ANKRD44: variants seen among roughly 807,000 people sequenced by gnomAD.
ANKRD44 encodes serine/threonine-protein phosphatase 6 regulatory ankyrin repeat subunit B.
A neutral mutation model predicts 116.0 loss-of-function variants in ANKRD44; 35 were observed. That is an observed-to-expected ratio of 0.30 (90% confidence interval 0.23 to 0.40). The LOEUF (loss-of-function observed/expected upper bound fraction) is 0.40. Among genes scored for constraint, ANKRD44 ranks in the 10% least tolerant of loss-of-function variants. The pLI, the probability that ANKRD44 is intolerant of heterozygous loss-of-function variation, is 1.00. For missense variants in ANKRD44, 1,014 were observed against 1,242.6 expected (o/e 0.82, Z 2.77); for synonymous variants, 435 against 461.8 (o/e 0.94, Z 0.74).
chr2:197,032,186 C>G (rs1289600076), intron 16 of ANKRD44, among the ~76,000 whole-genome samples: 1 of 152,056 alleles, frequency 6.6e-6, no homozygotes, highest in Non-Finnish European at 1.5e-5. Flanking sequence ...TGATCATGAT[C>G]AGATTCTTGA....
At chr2:197,256,240 G>T (rs2082443365) in intron 1 of ANKRD44, among the ~76,000 whole-genome samples, 1 of 152,178 alleles carries the variant, frequency 6.6e-6, no homozygotes, top group Non-Finnish European at 1.5e-5. Context: ...TCCAACAGTG[G>T]ACCAGGCTCA....
At chr2:197,039,681 G>A (rs1329063941) in intron 16 of ANKRD44, among the ~76,000 whole-genome samples, 1 of 2,874 alleles carries the variant, frequency 3.5e-4, no homozygotes, top group Admixed American at 2.3e-3. Flanking sequence ...GTGTGTGTGC[G>A]TGTGTGTGTG....
chr2:196,989,982 T>C, intron 27 of ANKRD44: 1 of 1,035,656 alleles, frequency 9.7e-7, no homozygotes, highest in Non-Finnish European at 1.2e-6. Context: ...TTAGATAAAT[T>C]TGGGTTCAAT....
chr2:197,106,571 C>T (rs1210047505), intron 9 of ANKRD44, among the ~76,000 whole-genome samples: 3 of 152,040 alleles, frequency 2.0e-5, no homozygotes, highest in African/African-American at 7.2e-5. Flanking sequence ...AGGCAGATCA[C>T]GAGGTCAGGA....
intron 1 of ANKRD44, among the ~76,000 whole-genome samples, chr2:197,224,068 C>T (rs2081645808): frequency 6.6e-6 from 1 of 152,160 alleles, no homozygotes; most frequent in Non-Finnish European, 1.5e-5. Flanking sequence ...GGGCTGGTTA[C>T]ATCTATGGAA....
At chr2:197,011,943 A>G (rs1278916136) in intron 18 of ANKRD44, among the ~76,000 whole-genome samples, 3 of 152,172 alleles carry the variant, frequency 2.0e-5, no homozygotes, top group Admixed American at 1.3e-4. Flanking sequence ...GCCTCTTCCT[A>G]TGAGTGACAA....
At chr2:197,120,152 C>G (rs1559079142) in intron 8 of ANKRD44, among the ~76,000 whole-genome samples, 1 of 152,200 alleles carries the variant, frequency 6.6e-6, no homozygotes, top group Non-Finnish European at 1.5e-5. Context: ...CATATCTTCT[C>G]TTGCTCATGA....
intron 16 of ANKRD44, among the ~76,000 whole-genome samples, chr2:197,069,309 G>A (rs2077511314): frequency 1.3e-5 from 2 of 152,160 alleles, no homozygotes; most frequent in South Asian, 2.1e-4. Flanking sequence ...TGGGGTGGGG[G>A]GAGTGGGGAG....
At chr2:197,099,443 T>A in intron 10 of ANKRD44, 2 of 858,676 alleles carry the variant, frequency 2.3e-6, no homozygotes, top group East Asian at 2.0e-4. Context: ...TATAACCATA[T>A]CATTAAAGCT....
At chr2:197,281,681 A>C (rs767958141) in intron 1 of ANKRD44, among the ~76,000 whole-genome samples, 2 of 152,194 alleles carry the variant, frequency 1.3e-5, no homozygotes, top group African/African-American at 4.8e-5. Context: ...CAGATAATGT[A>C]ATAAGGTGAC....
intron 1 of ANKRD44, among the ~76,000 whole-genome samples, chr2:197,275,997 C>A (rs4850423): frequency 1.3e-5 from 2 of 152,116 alleles, no homozygotes; most frequent in Middle Eastern, 6.8e-3. Flanking sequence ...CTTTACTAGC[C>A]GGGCGCAGTG....
chr2:197,163,998 A>G (rs2080035433), intron 2 of ANKRD44, among the ~76,000 whole-genome samples: 2 of 152,202 alleles, frequency 1.3e-5, no homozygotes, highest in African/African-American at 4.8e-5. Flanking sequence ...AGTGCTTCAG[A>G]AAGTACAAAA....
intron 1 of ANKRD44, among the ~76,000 whole-genome samples, chr2:197,237,049 G>A (rs1428886444): frequency 6.6e-6 from 1 of 152,212 alleles, no homozygotes; most frequent in Non-Finnish European, 1.5e-5. Flanking sequence ...GTAGAACGGA[G>A]CTGATGAGAG....
In ANKRD44 at chr2:196,987,705, GT is replaced by G; in HGVS notation, c.*1885del. The G allele has an allele frequency of 1.0e-6, 1 of 985,404 alleles. No homozygotes were observed. The highest frequency in any genetic ancestry group is 1.2e-6 in the Non-Finnish European group (1 of 829,920). The allele number at this position is 985,404 out of a possible 1,614,324, so 61.0% of individuals were successfully genotyped here. On this transcript the variant is annotated 3_prime_UTR_variant, in exon 28 of 28. Transcript: ENST00000282272. ...TTTTAGGCAATTTGGAGATAGTAAT[GT>G]ATTTAGCAAAGACAGGCAGACACTG...
At chr2:197,299,872 A>C (rs2083845271) in intron 1 of ANKRD44, among the ~76,000 whole-genome samples, 2 of 152,324 alleles carry the variant, frequency 1.3e-5, no homozygotes, top group South Asian at 4.1e-4. Flanking sequence ...AACATACTAC[A>C]TTATTCCATC....
chr2:197,144,928 CA>C (rs1400145023), intron 3 of ANKRD44, among the ~76,000 whole-genome samples: 1 of 152,202 alleles, frequency 6.6e-6, no homozygotes, highest in Non-Finnish European at 1.5e-5. Context: ...GCATATAAGA[CA>C]AAGTTCTGAA....
At chr2:197,304,336 A>C (rs1318308553) in intron 1 of ANKRD44, among the ~76,000 whole-genome samples, 2 of 152,150 alleles carry the variant, frequency 1.3e-5, no homozygotes, top group Non-Finnish European at 2.9e-5. Context: ...ATACAGAATA[A>C]ATAAAATGGG....
At position 197,086,574 on chromosome 2, in the gene ANKRD44, C is replaced by T. The variant is rs1239623175; in HGVS notation, c.1316+106G>A. The stretch of plus-strand genomic sequence containing the variant: ...TCCTTCCGAGGAGGATGGAATCCCC[C>T]CAGCTAACTTCCCGGTTTACCATTT... On this transcript the variant is annotated intron_variant, in intron 13 of 27. Transcript: ENST00000282272. 28 of 1,050,642 alleles carry T rather than the reference C, an allele frequency of 2.7e-5. No homozygotes were observed. The South Asian group carries it at 2.9e-4, about 11-fold the overall frequency. The allele number at this position is 1,050,642 out of a possible 1,614,324, so 65.1% of individuals were successfully genotyped here. A position where few individuals can be genotyped will look rare whatever the true frequency, so the allele number is the denominator to read the frequency against.
intron 16 of ANKRD44, among the ~76,000 whole-genome samples, chr2:197,062,767 G>A (rs2077343738): frequency 1.3e-5 from 2 of 152,238 alleles, no homozygotes; most frequent in Admixed American, 1.3e-4. Context: ...AGCAAGGCTG[G>A]GGGAGGGGCG....
Sources: gnomAD v4.1 joint callset for allele counts (sites outside exome capture counted in the v4.1 genomes callset) on GRCh38, gnomAD v4.1.1 for gene constraint, MANE v1.5 for transcripts, NCBI Gene and HGNC (gene_info 2026-07-23, HGNC 2026-07-21) for gene names.